The following ZFTA variants were observed in gnomAD, a reference collection of about 807,000 sequenced individuals.
ZFTA encodes zinc finger translocation associated.
In ZFTA, 35 loss-of-function variants were observed where a neutral mutation model predicts 41.8. The ratio of observed to expected loss-of-function variants is 0.84; its 90% CI spans 0.64 to 1.11. The LOEUF (loss-of-function observed/expected upper bound fraction) is 1.11. Among genes scored for constraint, ZFTA ranks in the 50% most tolerant of loss-of-function variants. The pLI is 0.00. For missense variants in ZFTA, 964 were observed against 989.8 expected, an observed-to-expected ratio of 0.97 and a Z score of 0.35; for synonymous variants, 514 against 436.4, an observed-to-expected ratio of 1.18 and a Z score of -2.22.
rs1003231442 is a variant in ZFTA, at chr11:63,761,642, G to A, written c.*1776C>T. 28 of 152,292 alleles carry A rather than the reference G, an allele frequency of 1.8e-4. No homozygotes were observed. Among genetic ancestry groups the A allele is most frequent in the Non-Finnish European group, 3.8e-4 (26 of 68,134 alleles). 9.4% of individuals were successfully genotyped at this position (152,292 alleles called of 1,614,324 possible). On this transcript the variant is annotated 3_prime_UTR_variant, in exon 5 of 5. Transcript: ENST00000433688. ...CCCTACCTGGCTGTGTGATCATCTC[G>A]GTTCCTGGGCTCCAATTTACCTATC...
At chr11:63,767,322 C>A (rs1203384459) in intron 1 of ZFTA, 1 of 152,208 alleles carries the variant, frequency 6.6e-6, no homozygotes, top group Non-Finnish European at 1.5e-5. Flanking sequence ...TCAGAAAGGG[C>A]TCCTGTCACC....
At position 63,761,100 on chromosome 11, in the gene ZFTA, C is replaced by T. The variant is rs2014624044; in HGVS notation, c.*2318G>A. 6.6e-6 allele frequency: 1 copy of T among 152,044 alleles called. No individual in the cohort carries two copies. The highest frequency in any genetic ancestry group is 1.5e-5 in the Non-Finnish European group (1 of 68,016). 9.4% of individuals were successfully genotyped at this position (152,044 alleles called of 1,614,324 possible). On this transcript the variant is annotated 3_prime_UTR_variant, in exon 5 of 5. Coordinates refer to ENST00000433688, the MANE Select transcript of ZFTA (RefSeq NM_001144936.2). ...AAAAAGTGGTGTTAATACTCTGGAT[C>T]CGAAAAAATGCATGAAGGAAAGTAA... is the stretch of plus-strand genomic sequence containing the variant.
rs1373502706 is a variant in ZFTA, at chr11:63,762,250, A to C, written c.*1168T>G. ...CATAATAAATAAGACATTTGCACAT[A>C]AGGGTGACTGGGTCAGCTCTGTCCC... On this transcript the variant is annotated 3_prime_UTR_variant, in exon 5 of 5. Transcript: ENST00000433688. The C allele has an allele frequency of 6.6e-6, 1 of 152,254 alleles. No individual in the cohort carries two copies. Among genetic ancestry groups the C allele is most frequent in the South Asian group, 2.1e-4 (1 of 4,822 alleles). 9.4% of individuals were successfully genotyped at this position (152,254 alleles called of 1,614,324 possible).
rs2014593370 is a variant in ZFTA, at chr11:63,760,144, G to T, written c.*3274C>A. The T allele has an allele frequency of 6.6e-6, 1 of 152,186 alleles. No homozygotes were observed. The highest frequency in any genetic ancestry group is 1.5e-5 in the Non-Finnish European group (1 of 68,038). The allele number at this position is 152,186 out of a possible 1,614,324, so 9.4% of individuals were successfully genotyped here. On this transcript the variant is annotated 3_prime_UTR_variant, in exon 5 of 5. Transcript: ENST00000433688. ...CTTAGAAGAATGAGGAGGGGTCAGG[G>T]GGTCTTTTACCCCAGTTCAGCCTCA...
rs891932786 is a variant in ZFTA, at chr11:63,763,784, T to A, written c.1671A>T (p.Gly557=). Reference sequence around the variant, plus strand: ...GAGGAGGCGGCGGCGGCAAGGCGAGTCCCCCAGGCTCCTGGCCGTCCTCTT... The same window carrying A: ...GAGGAGGCGGCGGCGGCAAGGCGAGACCCCCAGGCTCCTGGCCGTCCTCTT... The part of the protein sequence containing the change: ...EDEEDGQEPG[G]LALPPPPPPP... The change falls in exon 5 of 5, where the codon GGA becomes GGT. Residue 557 remains glycine, a synonymous_variant. Coordinates refer to ENST00000433688, the MANE Select transcript of ZFTA (RefSeq NM_001144936.2). 1.0e-5 allele frequency: 15 copies of A among 1,454,556 alleles called. No homozygotes were observed. In the Admixed American group the frequency reaches 3.0e-4, roughly 29 times the overall value. The allele number at this position is 1,454,556 out of a possible 1,614,324, so 90.1% of individuals were successfully genotyped here. A position where few individuals can be genotyped will look rare whatever the true frequency, so the allele number is the denominator to read the frequency against.
chr11:63,764,723 T>C (rs2014716315), intron 3 of ZFTA, 125 bp from the exon 4 acceptor site: 1 of 1,352,000 alleles, frequency 7.4e-7, no homozygotes, highest in African/African-American at 1.5e-5. Flanking sequence ...TGTCTCTGTC[T>C]GGGGGCAGGG....
In ZFTA at chr11:63,764,110, CG is replaced by C. The variant is rs1228346103; in HGVS notation, c.1512del (p.Gly505AlafsTer86). 5.3e-5 allele frequency: 70 copies of C among 1,312,226 alleles called. No homozygotes were observed. The highest frequency in any genetic ancestry group is 2.2e-4 in the South Asian group (11 of 50,792). The allele number at this position is 1,312,226 out of a possible 1,614,324, so 81.3% of individuals were successfully genotyped here. Reference protein sequence around the residue: ...RPESPQGPIPPGTAAASDEGG... With the variant: ...RPESPQGPIPXGTAAASDEGG... Reference sequence around the variant, plus strand: ...CCCTCGTCGGAGGCTGCGGCAGTGCCGGGGGGGATGGGGCCCTGGGGGGACT... The same window carrying C: ...CCCTCGTCGGAGGCTGCGGCAGTGCCGGGGGGATGGGGCCCTGGGGGGACT... On this transcript the variant is annotated frameshift_variant, in exon 4 of 5. Transcript: ENST00000433688. LOFTEE classifies it high-confidence loss of function.
In ZFTA at chr11:63,761,444, T is replaced by A. The variant is rs3802942; in HGVS notation, c.*1974A>T. ...CATCCCAAGGCAGTGTGCAGGGCTT[T>A]GCCACCTTCAGGAGTCACAGATCCA... On this transcript the variant is annotated 3_prime_UTR_variant, in exon 5 of 5. Coordinates refer to ENST00000433688, the MANE Select transcript of ZFTA (RefSeq NM_001144936.2). The A allele has an allele frequency of 2.0e-5, 3 of 152,342 alleles. No homozygotes were observed. The East Asian group carries it at 5.8e-4, about 29-fold the overall frequency. 9.4% of individuals were successfully genotyped at this position (152,342 alleles called of 1,614,324 possible).
In ZFTA at chr11:63,764,486, G is replaced by T; in HGVS notation, c.1137C>A (p.Gly379=). The T allele has an allele frequency of 7.9e-7, 1 of 1,259,894 alleles. No individual in the cohort carries two copies. 78.0% of individuals were successfully genotyped at this position (1,259,894 alleles called of 1,614,324 possible). ...LSPPDVKEEA[G]WVPERPGPAE... is the part of the protein sequence containing the mutation. ...CGGGCCCGGGCCTCTCAGGGACCCA[G>T]CCAGCCTCTTCCTTTACGTCTGGGG... is the stretch of plus-strand genomic sequence containing the variant. Residue 379 remains glycine (G), a synonymous_variant, in exon 4 of 5, where the codon GGC becomes GGA. Transcript: ENST00000433688.
In ZFTA at chr11:63,765,348, C is replaced by T; in HGVS notation, c.638-94G>A. The T allele has an allele frequency of 1.5e-6, 2 of 1,325,682 alleles. No homozygotes were observed. Among genetic ancestry groups the T allele is most frequent in the Non-Finnish European group, 2.0e-6 (2 of 1,015,136 alleles). 82.1% of individuals were successfully genotyped at this position (1,325,682 alleles called of 1,614,324 possible). On this transcript the variant is annotated intron_variant, in intron 2 of 4. Coordinates refer to ENST00000433688, the MANE Select transcript of ZFTA (RefSeq NM_001144936.2). This position sits in a 1 kb window ranked among gnomAD's most constrained non-coding sequence, Gnocchi z 4.0. ...CCCACAAGCCTCTCACTCACTTGGG[C>T]CCCAGGCCTAACCTTTGCCCTTCTC... is the stretch of plus-strand genomic sequence containing the variant.
At position 63,764,479 on chromosome 11, in the gene ZFTA, G is replaced by A. The variant is rs2014711760; in HGVS notation, c.1144C>T (p.Pro382Ser). 1.6e-6 allele frequency: 2 copies of A among 1,261,020 alleles called. No homozygotes were observed. The highest frequency in any genetic ancestry group is 3.5e-5 in the South Asian group (1 of 28,276). The allele number at this position is 1,261,020 out of a possible 1,614,324, so 78.1% of individuals were successfully genotyped here. ...PDVKEEAGWV[P>S]ERPGPAEEEE... Reference sequence around the variant, plus strand: ...TCCTCTGCGGGCCCGGGCCTCTCAGGGACCCAGCCAGCCTCTTCCTTTACG... The same window carrying A: ...TCCTCTGCGGGCCCGGGCCTCTCAGAGACCCAGCCAGCCTCTTCCTTTACG... The change falls in exon 4 of 5, where the codon CCT becomes TCT. Residue 382 changes from proline (P) to serine (S), a missense_variant. By Grantham distance (74) the Pro-to-Ser change is moderately conservative. This residue lies in a region of ZFTA where 584 missense variants were observed against 523.1 expected (regional missense o/e 1.12). Transcript: ENST00000433688.
In ZFTA at chr11:63,763,309, A is replaced by C; in HGVS notation, c.*109T>G. On this transcript the variant is annotated 3_prime_UTR_variant, in exon 5 of 5. Transcript: ENST00000433688. ...GCCAGCGGGGGGCGCGGCCGCGGGA[A>C]GCGCTAACACCGGACGCGAGGGTCT... The C allele has an allele frequency of 4.9e-6, 4 of 809,328 alleles. No individual in the cohort carries two copies. Among genetic ancestry groups the C allele is most frequent in the Non-Finnish European group, 6.3e-6 (4 of 639,924 alleles). The allele number at this position is 809,328 out of a possible 1,614,324, so 50.1% of individuals were successfully genotyped here. A position where few individuals can be genotyped will look rare whatever the true frequency, so the allele number is the denominator to read the frequency against.
In ZFTA at chr11:63,766,090, G is replaced by A; in HGVS notation, c.354C>T (p.Asn118=). Residue 118 remains asparagine, a synonymous_variant, in exon 2 of 5, where the codon AAC becomes AAT. Transcript: ENST00000433688. ...TGCACACCATGCCGTGCCGGGCAGG[G>A]TTGAAGTCCATCAGGTACTCCAGCC... ...HWRLEYLMDF[N]PARHGMVCMV... 6.5e-7 allele frequency: 1 copy of A among 1,532,376 alleles called. No homozygotes were observed. Among genetic ancestry groups the A allele is most frequent in the South Asian group, 1.2e-5 (1 of 81,576 alleles). 94.9% of individuals were successfully genotyped at this position (1,532,376 alleles called of 1,614,324 possible).
chr11:63,763,534 C>T lies in ZFTA; in HGVS notation c.1921G>A (p.Glu641Lys), dbSNP rs1400001799. ...CGCAGCGCCGCCTCCTCGTAGGCCT[C>T]CAGGATAGTCTGGCGCTCCTCAGGC... ...FTPEERQTIL[E>K]AYEEAALRCY... Residue 641 changes from glutamate (E) to lysine (K), a missense_variant, in exon 5 of 5, where the codon GAG becomes AAG. By Grantham distance (56) the Glu-to-Lys change is moderately conservative (BLOSUM62 1). Around this residue, in one of 5 missense-constraint regions of ZFTA, gnomAD observed 63 missense variants for 97.8 expected, o/e 0.64. Transcript: ENST00000433688. The T allele has an allele frequency of 6.5e-7, 1 of 1,546,508 alleles. No individual in the cohort carries two copies.
chr11:63,764,729 C>A, intron 3 of ZFTA, 131 bp from the exon 4 acceptor site: 1 of 1,353,474 alleles, frequency 7.4e-7, no homozygotes, highest in Non-Finnish European at 9.5e-7. Flanking sequence ...TGTCTGGGGG[C>A]AGGGGGAAAG....
chr11:63,768,170 A>G (rs2014777019), intron 1 of ZFTA, among the ~76,000 whole-genome samples: 1 of 151,828 alleles, frequency 6.6e-6, no homozygotes. Flanking sequence ...GCGGGGGCCA[A>G]AGTCCAGCCT....
rs1367366227 is a variant in ZFTA, at chr11:63,763,248, G to A, written c.*170C>T. Reference sequence around the variant, plus strand: ...CCCAAGTGGCACCGCGCAGACGCCGGTGGCCCCACCCGATCCCCCGTCTCC... The same window carrying A: ...CCCAAGTGGCACCGCGCAGACGCCGATGGCCCCACCCGATCCCCCGTCTCC... On this transcript the variant is annotated 3_prime_UTR_variant, in exon 5 of 5. Coordinates refer to ENST00000433688, the MANE Select transcript of ZFTA (RefSeq NM_001144936.2). The A allele has an allele frequency of 6.4e-6, 2 of 312,292 alleles. No homozygotes were observed. The highest frequency in any genetic ancestry group is 1.0e-5 in the Non-Finnish European group (2 of 193,474). The allele number at this position is 312,292 out of a possible 1,614,324, so 19.3% of individuals were successfully genotyped here.
chr11:63,764,165 G>C lies in ZFTA; in HGVS notation c.1458C>G (p.His486Gln). The change falls in exon 4 of 5, where the codon CAC (histidine) becomes CAG (glutamine). Residue 486 changes from histidine (H) to glutamine (Q), a missense_variant. Transcript: ENST00000433688. ...IAREWSEKAA[H>Q]LLALGPPRPE... ...GGCGGGGCGGCCCCAGGGCCAGCAGGTGGGCGGCCTTCTCGCTCCACTCCC... is the reference window on the plus strand; with the variant it reads ...GGCGGGGCGGCCCCAGGGCCAGCAGCTGGGCGGCCTTCTCGCTCCACTCCC... The C allele has an allele frequency of 7.3e-7, 1 of 1,372,392 alleles. No individual in the cohort carries two copies. The highest frequency in any genetic ancestry group is 1.7e-5 in the South Asian group (1 of 58,916). The allele number at this position is 1,372,392 out of a possible 1,614,324, so 85.0% of individuals were successfully genotyped here. A position where few individuals can be genotyped will look rare whatever the true frequency, so the allele number is the denominator to read the frequency against.
chr11:63,764,332 C>T lies in ZFTA; in HGVS notation c.1291G>A (p.Asp431Asn). 1 of 1,368,220 alleles carries T rather than the reference C, an allele frequency of 7.3e-7. No homozygotes were observed. Among genetic ancestry groups the T allele is most frequent in the South Asian group, 1.6e-5 (1 of 62,348 alleles). 84.8% of individuals were successfully genotyped at this position (1,368,220 alleles called of 1,614,324 possible). Residue 431 changes from aspartate to asparagine, a missense_variant, in exon 4 of 5, where the codon GAC (aspartate) becomes AAC (asparagine). By Grantham distance (23) the Asp-to-Asn change is conservative. Transcript: ENST00000433688. ...CACACCAGGCCGCGCCGGCCGCCGT[C>T]CAACTCCATGAGGTACTCCAGCCGC... ...RWRLEYLMEL[D>N]GGRRGLVCGV...
Sources: gnomAD v4.1 joint callset for allele counts (sites outside exome capture counted in the v4.1 genomes callset) on GRCh38, gnomAD v4.1.1 for gene constraint, gnomAD v4.1.1 regional missense constraint, Gnocchi (gnomAD v3.1) non-coding constraint, MANE v1.5 for transcripts, NCBI Gene and HGNC (gene_info 2026-07-23, HGNC 2026-07-21) for gene names.